Variants in RBFOX1 observed in about 807,000 individuals in gnomAD.
RBFOX1 encodes the protein RNA binding fox-1 homolog 1, also known as RNA binding protein fox-1 homolog 1.
Under a neutral mutation model 57.7 loss-of-function variants are expected in RBFOX1, and 8 were observed. The ratio of observed to expected loss-of-function variants is 0.14; its 90% confidence interval spans 0.08 to 0.25. RBFOX1 has a LOEUF of 0.25. Ranked by LOEUF, RBFOX1 falls within the 10% of genes least tolerant of loss-of-function variation. The pLI is 1.00. For synonymous variants in RBFOX1, 326 were observed against 222.4 expected, an observed-to-expected ratio of 1.47 and a Z score of -4.15; for missense variants, 611 against 548.5, an observed-to-expected ratio of 1.11 and a Z score of -1.14.
intron 2 of RBFOX1, among the ~76,000 whole-genome samples, chr16:5,512,418 TTCTC>T (rs201793017): frequency 0.18 from 23,221 of 129,522 alleles, 1,742 homozygotes; most frequent in African/African-American, 0.28. Context: ...TCCTCTCTCT[TTCTC>T]TCTCTCTCTC....
At chr16:6,935,905 C>T (rs573649449) in intron 3 of RBFOX1, among the ~76,000 whole-genome samples, 1 of 152,070 alleles carries the variant, frequency 6.6e-6, no homozygotes, top group Non-Finnish European at 1.5e-5. Flanking sequence ...CTAATGGAAC[C>T]CTTGGGTTTG....
chr16:6,428,732 A>C (rs1473985878), intron 2 of RBFOX1, among the ~76,000 whole-genome samples: 1 of 152,216 alleles, frequency 6.6e-6, no homozygotes, highest in Non-Finnish European at 1.5e-5. Context: ...ACGTAAACAA[A>C]ATATACATGC....
chr16:5,710,013 C>T (rs1410702985), intron 3 of RBFOX1, among the ~76,000 whole-genome samples: 1 of 150,650 alleles, frequency 6.6e-6, no homozygotes, highest in Non-Finnish European at 1.5e-5. Context: ...GGTTCTACAG[C>T]CTGTACGCTG....
chr16:7,427,555 C>T (rs1272147428), intron 4 of RBFOX1, among the ~76,000 whole-genome samples: 2 of 152,068 alleles, frequency 1.3e-5, no homozygotes, highest in Non-Finnish European at 2.9e-5. Flanking sequence ...CATCCTTTCC[C>T]CTCCAATTTT....
intron 3 of RBFOX1, among the ~76,000 whole-genome samples, chr16:6,986,000 A>G (rs116800149): frequency 9.2e-5 from 14 of 151,574 alleles, no homozygotes; most frequent in African/African-American, 3.1e-4. Context: ...ATTTTTTTTC[A>G]TAAAACATCT....
intron 14 of RBFOX1, among the ~76,000 whole-genome samples, chr16:7,702,124 C>G (rs547112408): frequency 1.3e-5 from 2 of 152,138 alleles, no homozygotes; most frequent in Non-Finnish European, 2.9e-5. Context: ...CAAATGGATG[C>G]GCACTGGGAT....
chr16:7,633,155 C>A (rs2061252999), intron 11 of RBFOX1, among the ~76,000 whole-genome samples: 2 of 152,170 alleles, frequency 1.3e-5, no homozygotes, highest in African/African-American at 4.8e-5. Flanking sequence ...AAAGAATGTG[C>A]CAGAGACCAA....
At chr16:5,386,207 G>T (rs1305362874) in intron 1 of RBFOX1, among the ~76,000 whole-genome samples, 4 of 151,870 alleles carry the variant, frequency 2.6e-5, no homozygotes, top group African/African-American at 9.7e-5. Context: ...ACTAAAATTG[G>T]CAGCTTTGAT....
At chr16:5,266,774 G>GT (rs1471415463) in intron 1 of RBFOX1, among the ~76,000 whole-genome samples, 1 of 151,834 alleles carries the variant, frequency 6.6e-6, no homozygotes. Context: ...GCCCAGGCTG[G>GT]TCTCGAGCTG....
chr16:6,161,886 G>C (rs2096882143), intron 1 of RBFOX1, among the ~76,000 whole-genome samples: 1 of 152,240 alleles, frequency 6.6e-6, no homozygotes, highest in Non-Finnish European at 1.5e-5. Flanking sequence ...TTGAACCAAA[G>C]GAGGTGTCAG....
Position 5,766,670 on chromosome 16 carries a change from TC to T in RBFOX1, c.319-100625del, listed in dbSNP as rs113709787. On this transcript the variant is annotated intron_variant, in intron 3 of 19. Coordinates refer to the RBFOX1 transcript ENST00000641259. ...GAGGACAGCACCAAGACATGAGGGA[TC>T]CCCCCCCAGGACCCAAACATCTACC... Among the ~76,000 whole-genome samples the T allele has an allele frequency of 9.6e-3, 1,451 of 150,752 alleles. 12 individuals carry two copies. Among genetic ancestry groups the T allele is most frequent in the Non-Finnish European group, 0.013 (907 of 67,674 alleles).
chr16:7,081,832 T>C (rs2059248786), intron 4 of RBFOX1, among the ~76,000 whole-genome samples: 1 of 152,220 alleles, frequency 6.6e-6, no homozygotes, highest in Admixed American at 6.5e-5. Flanking sequence ...GATGAACTAA[T>C]ATGTTTAACC....
At chr16:6,883,404 C>T (rs565598246) in intron 3 of RBFOX1, among the ~76,000 whole-genome samples, 1 of 152,124 alleles carries the variant, frequency 6.6e-6, no homozygotes, top group Admixed American at 6.5e-5. Context: ...TTTCAAAATC[C>T]AATCAACTTA....
chr16:5,856,204 T>TAC (rs1388996244), intron 3 of RBFOX1, among the ~76,000 whole-genome samples: 553 of 44,866 alleles, frequency 0.012, 32 homozygotes, highest in African/African-American at 0.034. Flanking sequence ...TATATATATA[T>TAC]ATACATATAT....
chr16:6,956,082 C>T (rs2081770969), intron 3 of RBFOX1, among the ~76,000 whole-genome samples: 2 of 151,980 alleles, frequency 1.3e-5, no homozygotes, highest in Admixed American at 1.3e-4. Flanking sequence ...AGTTACCTTC[C>T]CTTTGTTTTG....
intron 4 of RBFOX1, among the ~76,000 whole-genome samples, chr16:7,238,437 G>T (rs535430654): frequency 3.3e-5 from 5 of 152,184 alleles, no homozygotes; most frequent in African/African-American, 1.2e-4. Flanking sequence ...TCTGCTTTTT[G>T]CTTCCACAGA....
intron 4 of RBFOX1, among the ~76,000 whole-genome samples, chr16:7,220,968 C>G (rs1433081504): frequency 1.3e-5 from 2 of 152,134 alleles, no homozygotes; most frequent in African/African-American, 2.4e-5. Flanking sequence ...GAAAGGGACA[C>G]CTGTCCAGGT....
At chr16:6,567,833 C>G (rs4786885) in intron 2 of RBFOX1, among the ~76,000 whole-genome samples, 1 of 151,826 alleles carries the variant, frequency 6.6e-6, no homozygotes, top group East Asian at 1.9e-4. Context: ...TTTAAAATTC[C>G]TTTTTAGAGA....
In RBFOX1 at chr16:6,626,310, C is replaced by A. The variant is rs192963709; in HGVS notation, c.-63-28293C>A. Among the ~76,000 whole-genome samples the A allele has an allele frequency of 6.6e-5, 10 of 152,210 alleles. No homozygotes were observed. In the East Asian group the frequency reaches 1.9e-3, roughly 29 times the overall value. ...ACTCTTGCACTAGAGGCCCAGGTCA[C>A]CCATGAACCTAGAAGAGAAGATCCA... On this transcript the variant is annotated intron_variant, in intron 2 of 15. Transcript: ENST00000550418.
Sources: allele counts gnomAD v4.1 joint callset (sites outside exome capture counted in the v4.1 genomes callset), GRCh38; gene constraint gnomAD v4.1.1; transcripts MANE v1.5; gene names NCBI Gene and HGNC (gene_info 2026-07-23, HGNC 2026-07-21).